The following FAM13A variants were observed in gnomAD, a reference collection of about 807,000 sequenced individuals.
FAM13A encodes family with sequence similarity 13 member A, also known as protein FAM13A.
A neutral mutation model predicts 129.6 loss-of-function variants in FAM13A; 76 were observed. The observed-to-expected ratio is 0.59, with a 90% CI of 0.49 to 0.71. The LOEUF (loss-of-function observed/expected upper bound fraction) is 0.71, where lower values mean the gene tolerates loss of function less well. FAM13A is among the 30% of genes least tolerant of loss of function. The probability of loss-of-function intolerance (pLI) is 0.00; values close to 1 mark genes in which losing one functional copy is unlikely to be tolerated. For missense variants in FAM13A, 1,108 were observed against 1,249.3 expected, an observed-to-expected ratio of 0.89 and a Z score of 1.70; for synonymous variants, 443 against 449.9, an observed-to-expected ratio of 0.98 and a Z score of 0.20.
chr4:88,803,654 A>G (rs1434120168), intron 8 of FAM13A, among the ~76,000 whole-genome samples: 1 of 152,186 alleles, frequency 6.6e-6, no homozygotes, highest in East Asian at 1.9e-4. Context: ...TACCCTATGA[A>G]CCAGAGTATG....
Position 88,876,654 on chromosome 4 carries a change from C to G in FAM13A, c.844-25471G>C, listed in dbSNP as rs552828742. Among the ~76,000 whole-genome samples the G allele has an allele frequency of 2.0e-3, 303 of 152,098 alleles. 2 individuals are homozygous for G. The highest frequency in any genetic ancestry group is 6.7e-3 in the African/African-American group (277 of 41,484). On this transcript the variant is annotated intron_variant, in intron 6 of 23. Coordinates refer to ENST00000264344, the MANE Select transcript of FAM13A (RefSeq NM_014883.4). ...TCGCCGAGGCTGGAGTGCAGTGGCT[C>G]AATCTCGGCTCACTGCAAGCTCTGC...
chr4:88,771,203 T>C (rs1248615191), intron 11 of FAM13A, among the ~76,000 whole-genome samples: 1 of 150,080 alleles, frequency 6.7e-6, no homozygotes, highest in African/African-American at 2.4e-5. Flanking sequence ...TATCTATGAG[T>C]ACAGTAACAA....
chr4:88,922,643 T>C (rs1333419017), intron 5 of FAM13A, among the ~76,000 whole-genome samples: 2 of 151,864 alleles, frequency 1.3e-5, no homozygotes, highest in African/African-American at 4.8e-5. Flanking sequence ...TTAAAAGAAC[T>C]AGAAAAGCAA....
chr4:88,887,792 C>T (rs538395296), intron 6 of FAM13A, among the ~76,000 whole-genome samples: 1 of 152,268 alleles, frequency 6.6e-6, no homozygotes, highest in African/African-American at 2.4e-5. Context: ...CTTGGCCTCC[C>T]AACGTGCTGG....
intron 6 of FAM13A, among the ~76,000 whole-genome samples, chr4:88,903,138 T>C (rs759743228): frequency 6.6e-5 from 10 of 152,198 alleles, no homozygotes; most frequent in Non-Finnish European, 1.3e-4. Context: ...TCCATGCTCA[T>C]GGATAGGAAG....
intron 3 of FAM13A, among the ~76,000 whole-genome samples, chr4:89,019,320 C>T (rs1289763893): frequency 6.6e-6 from 1 of 152,014 alleles, no homozygotes; most frequent in African/African-American, 2.4e-5. Flanking sequence ...AATCTGGCAA[C>T]GAATACTTTT....
chr4:88,898,625 A>T (rs1168210127), intron 6 of FAM13A, among the ~76,000 whole-genome samples: 2 of 152,130 alleles, frequency 1.3e-5, no homozygotes, highest in Non-Finnish European at 2.9e-5. Flanking sequence ...TTTTTTAGTA[A>T]CTTCCTATTA....
At position 88,965,044 on chromosome 4, in the gene FAM13A, A is replaced by C. The variant is rs1041869159; in HGVS notation, c.605+25929T>G. ...TGACATAATGGGGGGAAAATCACAC[A>C]GTACAACTCTACATCTTTTACGTCT... On this transcript the variant is annotated intron_variant, in intron 4 of 23. Coordinates refer to ENST00000264344, the MANE Select transcript of FAM13A (RefSeq NM_014883.4). Among the ~76,000 whole-genome samples the C allele has an allele frequency of 2.6e-5, 4 of 152,230 alleles. 1 individual carries two copies. Among genetic ancestry groups the C allele is most frequent in the Admixed American group, 2.0e-4 (3 of 15,282 alleles).
chr4:88,997,538 C>T (rs1763713101), intron 3 of FAM13A, among the ~76,000 whole-genome samples: 1 of 148,934 alleles, frequency 6.7e-6, no homozygotes, highest in Non-Finnish European at 1.5e-5. Flanking sequence ...AACCATGTGA[C>T]AAATATTTGC....
intron 8 of FAM13A, among the ~76,000 whole-genome samples, chr4:88,795,311 G>A (rs900119814): frequency 1.3e-5 from 2 of 151,580 alleles, no homozygotes; most frequent in Non-Finnish European, 3.0e-5. Flanking sequence ...AGCCTGATTT[G>A]AAGAAAAAAT....
At chr4:88,866,382 A>T (rs939989781) in intron 6 of FAM13A, among the ~76,000 whole-genome samples, 20 of 152,054 alleles carry the variant, frequency 1.3e-4, no homozygotes, top group Non-Finnish European at 2.5e-4. Flanking sequence ...GGGTTTTGCC[A>T]TGTTGGCCAG....
intron 16 of FAM13A, 62 bp downstream of exon 16, chr4:88,749,709 T>A (rs1742149299): frequency 6.4e-7 from 1 of 1,565,370 alleles, no homozygotes; most frequent in Admixed American, 1.8e-5. Context: ...TTTGAGTTGC[T>A]GAAATGCTGC....
chr4:89,049,161 G>A (rs1771233011), intron 1 of FAM13A, among the ~76,000 whole-genome samples: 1 of 152,064 alleles, frequency 6.6e-6, no homozygotes, highest in Admixed American at 6.6e-5. Flanking sequence ...GCTTTGGGAG[G>A]GCGAGGTGGG....
intron 19 of FAM13A, among the ~76,000 whole-genome samples, chr4:88,740,220 T>C (rs1739940263): frequency 6.6e-6 from 1 of 152,184 alleles, no homozygotes; most frequent in African/African-American, 2.4e-5. Flanking sequence ...ACATCCCCCA[T>C]TCTGGGAGAC....
intron 4 of FAM13A, among the ~76,000 whole-genome samples, chr4:88,945,836 ATG>A (rs552740338): frequency 6.3e-4 from 87 of 138,778 alleles, no homozygotes; most frequent in South Asian, 1.8e-3. Flanking sequence ...TACATATTCT[ATG>A]TGTGTGTGTG....
intron 13 of FAM13A, among the ~76,000 whole-genome samples, chr4:88,759,899 A>G (rs750201346): frequency 4.6e-5 from 7 of 152,188 alleles, no homozygotes; most frequent in Non-Finnish European, 1.0e-4. Flanking sequence ...AAATTCAACC[A>G]TTGTCACTCT....
intron 4 of FAM13A, among the ~76,000 whole-genome samples, chr4:88,972,990 C>T (rs1760339371): frequency 6.6e-6 from 1 of 152,176 alleles, no homozygotes; most frequent in Non-Finnish European, 1.5e-5. Context: ...ATTTTATCCA[C>T]ACTCTTCTTG....
chr4:89,036,556 T>G (rs1769410652), intron 1 of FAM13A, among the ~76,000 whole-genome samples: 1 of 152,202 alleles, frequency 6.6e-6, no homozygotes, highest in African/African-American at 2.4e-5. Flanking sequence ...AATTCCATTT[T>G]CTAGGGAGGA....
chr4:88,815,467 A>G (rs1730549704), intron 7 of FAM13A, among the ~76,000 whole-genome samples: 1 of 152,212 alleles, frequency 6.6e-6, no homozygotes. Context: ...GTTTAGCAAC[A>G]ATATTCTAAG....
Sources: gnomAD v4.1 joint callset for allele counts (sites outside exome capture counted in the v4.1 genomes callset) on GRCh38, gnomAD v4.1.1 for gene constraint, MANE v1.5 for transcripts, NCBI Gene and HGNC (gene_info 2026-07-23, HGNC 2026-07-21) for gene names.